The following COPS3 variants were observed in gnomAD, a reference collection of about 807,000 sequenced individuals.
COPS3 encodes the protein COP9 signalosome subunit 3.
Under a neutral mutation model 58.2 loss-of-function variants are expected in COPS3, and 10 were observed. That is an observed-to-expected ratio of 0.17 (90% confidence interval 0.11 to 0.29). COPS3 has a LOEUF of 0.29. COPS3 is among the 10% of genes least tolerant of loss of function. The pLI, the probability that COPS3 is intolerant of heterozygous loss-of-function variation, is 1.00. For synonymous variants in COPS3, 187 were observed against 181.7 expected (o/e 1.03, Z -0.24); for missense variants, 333 against 510.1 (o/e 0.65, Z 3.34).
At chr17:17,258,181 T>C (rs1215923109) in intron 8 of COPS3, among the ~76,000 whole-genome samples, 1 of 152,174 alleles carries the variant, frequency 6.6e-6, no homozygotes, top group Non-Finnish European at 1.5e-5. Context: ...GTGAGCTCAG[T>C]GTACCACAAT....
intron 1 of COPS3, chr17:17,280,548 A>C (rs974658627): frequency 1.9e-5 from 24 of 1,251,678 alleles, no homozygotes; most frequent in Non-Finnish European, 2.4e-5. Context: ...CTAAAAAAAA[A>C]CAAAGAAGAA....
At chr17:17,254,505 T>C (rs1244703090) in intron 9 of COPS3, among the ~76,000 whole-genome samples, 4 of 152,102 alleles carry the variant, frequency 2.6e-5, no homozygotes, top group South Asian at 4.1e-4. Context: ...ATCCAGTAAT[T>C]AATTTTCAAA....
chr17:17,266,101 T>C (rs2145228408), intron 5 of COPS3, among the ~76,000 whole-genome samples: 1 of 152,320 alleles, frequency 6.6e-6, no homozygotes, highest in South Asian at 2.1e-4. Flanking sequence ...CACATCTTCA[T>C]ATGAAACTAG....
intron 5 of COPS3, among the ~76,000 whole-genome samples, chr17:17,266,449 G>C (rs1462310603): frequency 6.6e-6 from 1 of 152,148 alleles, no homozygotes; most frequent in Non-Finnish European, 1.5e-5. Flanking sequence ...ATGGGAAGGA[G>C]ACTTCATTAT....
chr17:17,263,615 G>A (rs948857900), intron 6 of COPS3, among the ~76,000 whole-genome samples: 1 of 147,696 alleles, frequency 6.8e-6, no homozygotes, highest in Admixed American at 6.9e-5. Flanking sequence ...TTGGGTTCAA[G>A]CAATTCTCCT....
chr17:17,271,883 A>ATAATATATAT (rs1431976552), intron 2 of COPS3, among the ~76,000 whole-genome samples: 1 of 131,088 alleles, frequency 7.6e-6, no homozygotes, highest in African/African-American at 2.5e-5. Context: ...CATATGTTTA[A>ATAATATATAT]TAATATATAT....
chr17:17,271,639 GA>G (rs1286470691), intron 2 of COPS3, among the ~76,000 whole-genome samples: 10 of 151,108 alleles, frequency 6.6e-5, no homozygotes, highest in African/African-American at 2.4e-4. Flanking sequence ...GATCAACATG[GA>G]AAAACCTCGT....
At chr17:17,249,518 G>A (rs1328936712) in intron 9 of COPS3, among the ~76,000 whole-genome samples, 2 of 151,754 alleles carry the variant, frequency 1.3e-5, no homozygotes, top group African/African-American at 2.4e-5. Context: ...TTGAGATGGC[G>A]TTTCGCTCTT....
chr17:17,260,816 A>C (rs937710628), intron 7 of COPS3: 1 of 173,222 alleles, frequency 5.8e-6, no homozygotes, highest in Non-Finnish European at 1.2e-5. Flanking sequence ...AAAAAAAAAA[A>C]AACCAAAAAC....
intron 8 of COPS3, 84 bp downstream of exon 8, chr17:17,260,217 T>G: frequency 7.5e-7 from 1 of 1,334,556 alleles, no homozygotes; most frequent in Non-Finnish European, 1.1e-6. Flanking sequence ...TGTACCTGCT[T>G]CCTCAGCTCT....
At chr17:17,251,185 G>A (rs903983086) in intron 9 of COPS3, among the ~76,000 whole-genome samples, 2 of 151,912 alleles carry the variant, frequency 1.3e-5, no homozygotes, top group Non-Finnish European at 2.9e-5. Flanking sequence ...TAGTAGAGAC[G>A]GGGTTTCACT....
chr17:17,251,503 G>A (rs1316229374), intron 9 of COPS3, among the ~76,000 whole-genome samples: 1 of 150,958 alleles, frequency 6.6e-6, no homozygotes, highest in Non-Finnish European at 1.5e-5. Flanking sequence ...TCACCATGTT[G>A]GCCAGGCTGG....
chr17:17,257,806 A>AAAAAAGAAAAAGAAAAAG (rs752357148), intron 8 of COPS3, among the ~76,000 whole-genome samples: 1 of 147,822 alleles, frequency 6.8e-6, no homozygotes, highest in South Asian at 2.1e-4. Flanking sequence ...CAAAAAAAAA[A>AAAAAAGAAAAAGAAAAAG]AAAAAGAAAA....
chr17:17,272,942 T>C (rs2048383069), intron 2 of COPS3, among the ~76,000 whole-genome samples: 1 of 152,220 alleles, frequency 6.6e-6, no homozygotes, highest in Non-Finnish European at 1.5e-5. Context: ...CAACATTGCT[T>C]AGAATTCCCT....
chr17:17,269,793 C>T (rs2048305578), intron 4 of COPS3, among the ~76,000 whole-genome samples: 1 of 152,196 alleles, frequency 6.6e-6, no homozygotes, highest in South Asian at 2.1e-4. Context: ...CCTTTTATAG[C>T]AAAAGACAGT....
At chr17:17,253,886 G>A (rs1243321285) in intron 9 of COPS3, among the ~76,000 whole-genome samples, 4 of 152,176 alleles carry the variant, frequency 2.6e-5, no homozygotes, top group Admixed American at 6.6e-5. Flanking sequence ...AGCTACTCGG[G>A]AGGCTGAGAC....
At chr17:17,279,245 ATC>A (rs1357026026) in intron 1 of COPS3, among the ~76,000 whole-genome samples, 2 of 152,146 alleles carry the variant, frequency 1.3e-5, no homozygotes, top group African/African-American at 2.4e-5. Flanking sequence ...TACCATATTT[ATC>A]TCTGTCTAGC....
At chr17:17,257,758 C>G (rs1363517915) in intron 8 of COPS3, among the ~76,000 whole-genome samples, 4 of 147,594 alleles carry the variant, frequency 2.7e-5, no homozygotes, top group African/African-American at 7.6e-5. Context: ...GATCGAGCCA[C>G]TGCACTCCAG....
intron 1 of COPS3, among the ~76,000 whole-genome samples, chr17:17,280,393 T>C (rs1420204991): frequency 8.5e-6 from 1 of 116,976 alleles, no homozygotes; most frequent in Non-Finnish European, 1.7e-5. Flanking sequence ...ACAGTGAGAC[T>C]CCGTCTCAAA....
Sources: gnomAD v4.1 joint callset for allele counts (sites outside exome capture counted in the v4.1 genomes callset) on GRCh38, gnomAD v4.1.1 for gene constraint, MANE v1.5 for transcripts, NCBI Gene and HGNC (gene_info 2026-07-23, HGNC 2026-07-21) for gene names.